RBFOX1: variants seen among roughly 807,000 people sequenced by gnomAD.
The protein encoded by RBFOX1 is RNA binding protein fox-1 homolog 1.
A neutral mutation model predicts 57.7 loss-of-function variants in RBFOX1; 8 were observed. The observed-to-expected ratio is 0.14, with a 90% CI of 0.08 to 0.25. The LOEUF (loss-of-function observed/expected upper bound fraction) is 0.25, where lower values mean the gene tolerates loss of function less well. RBFOX1 is among the 10% of genes least tolerant of loss of function. The pLI is 1.00. For synonymous variants in RBFOX1, 326 were observed against 222.4 expected, an observed-to-expected ratio of 1.47 and a Z score of -4.15; for missense variants, 611 against 548.5, an observed-to-expected ratio of 1.11 and a Z score of -1.14.
chr16:6,370,096 T>G (rs1272371335), intron 2 of RBFOX1, among the ~76,000 whole-genome samples: 3 of 152,120 alleles, frequency 2.0e-5, no homozygotes, highest in Non-Finnish European at 4.4e-5. Context: ...CGGTGGCTTA[T>G]GCCTGTAATC....
At chr16:5,869,497 G>T (rs1051801752) in intron 4 of RBFOX1, among the ~76,000 whole-genome samples, 1 of 152,106 alleles carries the variant, frequency 6.6e-6, no homozygotes. Context: ...CGCCTCCCAG[G>T]TTCAAGTGAT....
chr16:6,768,133 G>A (rs1017241716), intron 3 of RBFOX1, among the ~76,000 whole-genome samples: 1 of 151,814 alleles, frequency 6.6e-6, no homozygotes, highest in Non-Finnish European at 1.5e-5. Flanking sequence ...CGAGGCAGAG[G>A]TTGCAGTGAG....
chr16:7,365,222 T>G (rs548691077), intron 4 of RBFOX1, among the ~76,000 whole-genome samples: 2 of 152,306 alleles, frequency 1.3e-5, no homozygotes, highest in South Asian at 4.1e-4. Context: ...GATATAAATG[T>G]CATTAGAAAC....
chr16:6,993,560 A>T (rs1010930324), intron 3 of RBFOX1, among the ~76,000 whole-genome samples: 3 of 152,154 alleles, frequency 2.0e-5, no homozygotes, highest in Middle Eastern at 3.2e-3. Context: ...ATTTTATTCT[A>T]CATAGGGAGG....
intron 3 of RBFOX1, among the ~76,000 whole-genome samples, chr16:6,795,830 C>G (rs1407302938): frequency 2.0e-5 from 3 of 150,072 alleles, no homozygotes; most frequent in Non-Finnish European, 4.4e-5. Context: ...CATGAGAAAA[C>G]AAGAAATGAC....
At chr16:6,347,294 C>T (rs2085532709) in intron 2 of RBFOX1, among the ~76,000 whole-genome samples, 1 of 152,128 alleles carries the variant, frequency 6.6e-6, no homozygotes, top group Non-Finnish European at 1.5e-5. Flanking sequence ...CCTCAACCAC[C>T]ATCATCATCA....
chr16:6,065,241 C>T (rs2095745612), intron 1 of RBFOX1, among the ~76,000 whole-genome samples: 1 of 149,750 alleles, frequency 6.7e-6, no homozygotes, highest in Admixed American at 6.7e-5. Context: ...TGCTGTGTTG[C>T]CACGGCTGGT....
chr16:6,814,204 T>C (rs1439476808), intron 3 of RBFOX1, among the ~76,000 whole-genome samples: 1 of 147,920 alleles, frequency 6.8e-6, no homozygotes, highest in African/African-American at 2.5e-5. Context: ...ATGATGATAA[T>C]AACTGTTTTC....
Position 5,492,539 on chromosome 16 carries a change from A to T in RBFOX1, c.258+25285A>T, listed in dbSNP as rs11859787. 1.9e-3 allele frequency among the ~76,000 whole-genome samples: 296 copies of T among 152,306 alleles called. 2 individuals carry two copies. The highest frequency in any genetic ancestry group is 6.7e-3 in the African/African-American group (280 of 41,564). ...CCTGAAGATGAAGAGATTTTAATGG[A>T]GAGATAGTGTGACAGAACATTTTAA... is the stretch of plus-strand genomic sequence containing the variant. On this transcript the variant is annotated intron_variant, in intron 2 of 2. Coordinates refer to the RBFOX1 transcript ENST00000585867.
intron 4 of RBFOX1, among the ~76,000 whole-genome samples, chr16:7,203,084 C>T (rs1318740477): frequency 2.6e-5 from 4 of 152,094 alleles, no homozygotes; most frequent in Admixed American, 2.6e-4. Context: ...CTGCACCCAG[C>T]CAAAGAAATG....
chr16:6,216,000 T>G (rs1182866394), intron 1 of RBFOX1, among the ~76,000 whole-genome samples: 2 of 151,932 alleles, frequency 1.3e-5, no homozygotes, highest in African/African-American at 4.8e-5. Context: ...GGAGCTGGAG[T>G]CCATTGTCCT....
intron 4 of RBFOX1, among the ~76,000 whole-genome samples, chr16:7,330,522 GTGT>G (rs2144201023): frequency 7.2e-6 from 1 of 139,108 alleles, no homozygotes; most frequent in South Asian, 2.3e-4. Flanking sequence ...GTGTGTGTGT[GTGT>G]AGAGAGAGAG....
chr16:5,649,291 C>G (rs114828931), intron 3 of RBFOX1, among the ~76,000 whole-genome samples: 1,833 of 152,122 alleles, frequency 0.012, 34 homozygotes, highest in African/African-American at 0.042. Context: ...GTCTCACCCT[C>G]CCAAGTAGCT....
chr16:5,625,707 A>G (rs2048330546), intron 3 of RBFOX1, among the ~76,000 whole-genome samples: 1 of 149,594 alleles, frequency 6.7e-6, no homozygotes, highest in African/African-American at 2.5e-5. Flanking sequence ...ACAGGTGCCC[A>G]CCACCATGCT....
intron 3 of RBFOX1, among the ~76,000 whole-genome samples, chr16:5,744,607 A>T (rs138617347): frequency 2.6e-5 from 4 of 152,234 alleles, no homozygotes; most frequent in African/African-American, 9.6e-5. Context: ...GCTTTTTGTG[A>T]GGAGTGGGGA....
chr16:6,481,072 G>C (rs2095364417), intron 2 of RBFOX1, among the ~76,000 whole-genome samples: 1 of 152,148 alleles, frequency 6.6e-6, no homozygotes, highest in African/African-American at 2.4e-5. Flanking sequence ...TGATAATAGG[G>C]TATGCACATT....
intron 2 of RBFOX1, among the ~76,000 whole-genome samples, chr16:6,488,551 A>C (rs572545307): frequency 2.6e-5 from 4 of 152,278 alleles, no homozygotes; most frequent in Admixed American, 6.5e-5. Context: ...AACAATTTTC[A>C]AGACTTTTTA....
intron 4 of RBFOX1, among the ~76,000 whole-genome samples, chr16:7,393,163 C>T (rs541770251): frequency 1.3e-4 from 20 of 152,206 alleles, no homozygotes; most frequent in Non-Finnish European, 2.2e-4. Context: ...TGTGAGCCAC[C>T]GCACCCCACC....
At chr16:6,223,529 C>G (rs2097392899) in intron 1 of RBFOX1, among the ~76,000 whole-genome samples, 1 of 152,108 alleles carries the variant, frequency 6.6e-6, no homozygotes, top group South Asian at 2.1e-4. Flanking sequence ...ATATCCTTTG[C>G]CCAGTTTTTG....
Sources: allele counts gnomAD v4.1 joint callset (sites outside exome capture counted in the v4.1 genomes callset), GRCh38; gene constraint gnomAD v4.1.1; transcripts MANE v1.5; gene names NCBI Gene and HGNC (gene_info 2026-07-23, HGNC 2026-07-21).